ZNF469: variants seen among roughly 807,000 people sequenced by gnomAD.
The protein encoded by ZNF469 is zinc finger protein 469.
A neutral mutation model predicts 1.0 loss-of-function variants in ZNF469; 1 was observed. That is an observed-to-expected ratio of 1.00 (90% confidence interval 0.35 to 4.73). The LOEUF (loss-of-function observed/expected upper bound fraction) is 4.73. ZNF469 is among the 30% of genes most tolerant of loss of function. ZNF469 has a pLI of 0.16. For synonymous variants in ZNF469, 2,703 were observed against 2,363.4 expected, an observed-to-expected ratio of 1.14 and a Z score of -4.17; for missense variants, 6,100 against 5,356.3, an observed-to-expected ratio of 1.14 and a Z score of -4.33.
At chr16:88,384,603 G>A (rs574215788) in intron 1 of ZNF469, among the ~76,000 whole-genome samples, 3 of 152,264 alleles carry the variant, frequency 2.0e-5, no homozygotes, top group East Asian at 1.9e-4. Flanking sequence ...ATTCTGCCCT[G>A]CAAATAGAAA....
At chr16:88,412,470 C>G (rs1035589133) in intron 1 of ZNF469, among the ~76,000 whole-genome samples, 5 of 152,230 alleles carry the variant, frequency 3.3e-5, no homozygotes, top group African/African-American at 1.2e-4. Flanking sequence ...TTCATGAGGT[C>G]TTTGCCAGTG....
the ZNF469 span, among the ~76,000 whole-genome samples, chr16:88,146,492 C>T: frequency 7.9e-3 from 1,209 of 152,214 alleles, 4 homozygotes; most frequent in Middle Eastern, 0.017. Flanking sequence ...AGGTGAGGCC[C>T]GGGGAGAGTG....
chr16:88,176,554 C>CCA, the ZNF469 span, among the ~76,000 whole-genome samples: 1 of 152,234 alleles, frequency 6.6e-6, no homozygotes, highest in East Asian at 1.9e-4. Flanking sequence ...ATGGCGGCCT[C>CCA]CACACACCAC....
rs756776866 is a variant in ZNF469 at position 88,437,093 on chromosome 16, G to T, written c.9623G>T (p.Arg3208Leu). ...AVRFARRGQA[R>L]RSLGDLPGGL... ...CGCTTCGCCCGCAGGGGGCAGGCGC[G>T]GAGGTCCTTGGGGGACCTGCCCGGA... is the stretch of plus-strand genomic sequence containing the variant. Residue 3208 changes from arginine (R) to leucine (L), a missense_variant, in exon 3 of 3, where the codon CGG (arginine) becomes CTG (leucine). Physicochemically the swap from Arg to Leu is moderately radical, Grantham distance 102. Coordinates refer to ENST00000565624, the MANE Select transcript of ZNF469 (RefSeq NM_001367624.2). 1 of 1,545,736 alleles carries T rather than the reference G, an allele frequency of 6.5e-7. No individual in the cohort carries two copies. The highest frequency in any genetic ancestry group is 1.2e-5 in the South Asian group (1 of 83,976).
chr16:88,244,251 G>T, the ZNF469 span, among the ~76,000 whole-genome samples: 1 of 150,728 alleles, frequency 6.6e-6, no homozygotes, highest in South Asian at 2.1e-4. Context: ...TTGGGAGGGT[G>T]AATGCATACA....
the ZNF469 span, among the ~76,000 whole-genome samples, chr16:88,167,275 T>C: frequency 6.6e-6 from 1 of 152,082 alleles, no homozygotes. Context: ...TTGGCCAGAA[T>C]GGTCTTGAAC....
chr16:88,115,861 G>A, the ZNF469 span, among the ~76,000 whole-genome samples: 1 of 152,302 alleles, frequency 6.6e-6, no homozygotes, highest in South Asian at 2.1e-4. Context: ...GTATTCCTGG[G>A]CTTGTGGCCA....
the ZNF469 span, among the ~76,000 whole-genome samples, chr16:88,229,638 T>TGTGGGTGTAACGC: frequency 7.5e-6 from 1 of 133,074 alleles, no homozygotes; most frequent in Non-Finnish European, 1.6e-5. Context: ...GGATGTCACG[T>TGTGGGTGTAACGC]GTGTGTGCTG....
chr16:88,354,924 C>T, the ZNF469 span, among the ~76,000 whole-genome samples: 8 of 152,172 alleles, frequency 5.3e-5, no homozygotes, highest in African/African-American at 1.9e-4. Flanking sequence ...AGTCCAGGGT[C>T]TCCAGTGGGG....
the ZNF469 span, among the ~76,000 whole-genome samples, chr16:88,367,912 T>A: frequency 6.6e-6 from 1 of 152,142 alleles, no homozygotes; most frequent in Non-Finnish European, 1.5e-5. Context: ...TGGGCCAGCA[T>A]CAGCATCAGC....
the ZNF469 span, among the ~76,000 whole-genome samples, chr16:88,186,652 G>A: frequency 1.3e-5 from 2 of 152,296 alleles, no homozygotes; most frequent in East Asian, 1.9e-4. Flanking sequence ...CACCTCCCCC[G>A]GCAGAGGATC....
At chr16:88,133,883 C>G in the ZNF469 span, among the ~76,000 whole-genome samples, 1 of 152,172 alleles carries the variant, frequency 6.6e-6, no homozygotes, top group Non-Finnish European at 1.5e-5. Flanking sequence ...CACCTGAGGT[C>G]AGGAGTTCGA....
chr16:88,217,177 C>T, the ZNF469 span, among the ~76,000 whole-genome samples: 2 of 152,006 alleles, frequency 1.3e-5, no homozygotes, highest in South Asian at 2.1e-4. Flanking sequence ...TAAAATGCAT[C>T]GTGGAGGCTC....
At chr16:88,340,912 G>C in the ZNF469 span, among the ~76,000 whole-genome samples, 2 of 152,086 alleles carry the variant, frequency 1.3e-5, no homozygotes, top group Non-Finnish European at 2.9e-5. Context: ...GCGTGGAGGA[G>C]GGCCTCGCAG....
the ZNF469 span, among the ~76,000 whole-genome samples, chr16:88,347,702 C>G: frequency 6.0e-4 from 91 of 152,354 alleles, no homozygotes; most frequent in Non-Finnish European, 1.2e-3. Context: ...AGTGAAGAAC[C>G]TGCACCTCAC....
Position 88,430,301 on chromosome 16 carries a change from A to C in ZNF469, c.2831A>C (p.Gln944Pro). The change falls in exon 3 of 3, where the codon CAG becomes CCG. Residue 944 changes from glutamine (Q) to proline (P), a missense_variant. Coordinates refer to ENST00000565624, the MANE Select transcript of ZNF469 (RefSeq NM_001367624.2). ...GCGGATGCGCCCAGCCAGGGCAGGC[A>C]GCAGAGGAGGGGGAAGCAGTTGAAG... Reference protein sequence around the residue: ...TEADAPSQGRQQRRGKQLKLF... With the variant: ...TEADAPSQGRPQRRGKQLKLF... 4.0e-6 allele frequency: 6 copies of C among 1,515,126 alleles called. No individual in the cohort carries two copies. The highest frequency in any genetic ancestry group is 4.4e-6 in the Non-Finnish European group (5 of 1,134,420). 93.9% of individuals were successfully genotyped at this position (1,515,126 alleles called of 1,614,324 possible).
chr16:88,426,392 C>G (rs1024499761), intron 2 of ZNF469, among the ~76,000 whole-genome samples: 1 of 152,272 alleles, frequency 6.6e-6, no homozygotes, highest in African/African-American at 2.4e-5. Context: ...CCACACGGAG[C>G]GGCCTGCGCA....
At chr16:88,302,626 C>G in the ZNF469 span, 1 of 152,288 alleles carries the variant, frequency 6.6e-6, no homozygotes, top group Non-Finnish European at 1.5e-5. Flanking sequence ...ACAGAAGGCG[C>G]TCCACAGATG....
the ZNF469 span, among the ~76,000 whole-genome samples, chr16:88,327,993 A>G: frequency 2.0e-5 from 3 of 152,238 alleles, no homozygotes; most frequent in Non-Finnish European, 4.4e-5. Flanking sequence ...TGGGGAATGC[A>G]CGACCCATGC....
Sources: gnomAD v4.1 joint callset for allele counts (sites outside exome capture counted in the v4.1 genomes callset) on GRCh38, gnomAD v4.1.1 for gene constraint, MANE v1.5 for transcripts, NCBI Gene and HGNC (gene_info 2026-07-23, HGNC 2026-07-21) for gene names.